The following ANKRD52 variants were observed in gnomAD, a reference collection of about 807,000 sequenced individuals.
ANKRD52 encodes the protein ankyrin repeat domain 52.
In ANKRD52, 7 loss-of-function variants were observed where a neutral mutation model predicts 116.0. The ratio of observed to expected loss-of-function variants is 0.06; its 90% CI spans 0.03 to 0.11. The LOEUF (loss-of-function observed/expected upper bound fraction) is 0.11. ANKRD52 is among the 10% of genes least tolerant of loss of function. The pLI is 1.00. For missense variants in ANKRD52, 839 were observed against 1,408.6 expected (o/e 0.60, Z 6.47); for synonymous variants, 528 against 578.1 (o/e 0.91, Z 1.24).
Position 56,244,186 on chromosome 12 carries a change from T to C in ANKRD52, c.2806-53A>G. The C allele has an allele frequency of 6.3e-7, 1 of 1,597,574 alleles. No homozygotes were observed. Among genetic ancestry groups the C allele is most frequent in the South Asian group, 1.1e-5 (1 of 90,714 alleles). ...CTTGTGAAGTAGAAATGTGGCAGGG[T>C]GCAGGGCAGGAGTTGGGGAGAGTAA... On this transcript the variant is annotated intron_variant, in intron 25 of 27. Coordinates refer to ENST00000267116, the MANE Select transcript of ANKRD52 (RefSeq NM_173595.4). The surrounding 1 kb of genome is among the most constrained non-coding windows in gnomAD (Gnocchi z 4.9).
rs563600401 is a variant in ANKRD52, at chr12:56,255,663, G to A, written c.462+121C>T. 1.0e-5 allele frequency: 9 copies of A among 880,826 alleles called. No individual in the cohort carries two copies. The highest frequency in any genetic ancestry group is 1.0e-4 in the African/African-American group (6 of 59,534). The allele number at this position is 880,826 out of a possible 1,614,324, so 54.6% of individuals were successfully genotyped here. ...ATTCATTTAGTGCTTCAGCTTAAGT[G>A]TTTATATAACCATCCGGGCTGCTTC... On this transcript the variant is annotated intron_variant, in intron 5 of 27. Transcript: ENST00000267116. This position sits in a 1 kb window ranked among gnomAD's most constrained non-coding sequence, Gnocchi z 4.3.
chr12:56,247,987 G>C, intron 18 of ANKRD52, 36 bp downstream of exon 18: 1 of 1,551,322 alleles, frequency 6.4e-7, no homozygotes, highest in Non-Finnish European at 8.7e-7. Flanking sequence ...ATCTGGCATG[G>C]CAAGGGTAGG....
rs756819569 is a variant in ANKRD52, at chr12:56,254,607, C to T, written c.664G>A (p.Val222Met). 2.5e-6 allele frequency: 4 copies of T among 1,614,006 alleles called. No homozygotes were observed. Among genetic ancestry groups the T allele is most frequent in the East Asian group, 2.2e-5 (1 of 44,884 alleles). The stretch of plus-strand genomic sequence containing the variant: ...GCTCCCATCCGAAGCAGGTACTTCA[C>T]CACTTCAATCTGGCCACTGGCAGCA... ...TAAASGQIEV[V>M]KYLLRMGAEI... is the part of the protein sequence containing the mutation. Residue 222 changes from valine to methionine, a missense_variant, in exon 7 of 28, where the codon GTG becomes ATG. Physicochemically the swap from Val to Met is conservative, Grantham distance 21 (BLOSUM62 1). Around this residue, in one of 2 missense-constraint regions of ANKRD52, gnomAD observed 287 missense variants for 598.1 expected, o/e 0.48. Transcript: ENST00000267116. This position sits in a 1 kb window ranked among gnomAD's most constrained non-coding sequence, Gnocchi z 4.6.
Position 56,242,389 on chromosome 12 carries a change from C to T in ANKRD52, c.*753G>A, listed in dbSNP as rs1871203214. ...AAAAGAAAGAAGCAAGGTTAAAGTGCGTGGTTAGGGGCCAGGCTAGGAGTG... is the reference window on the plus strand; with the variant it reads ...AAAAGAAAGAAGCAAGGTTAAAGTGTGTGGTTAGGGGCCAGGCTAGGAGTG... On this transcript the variant is annotated 3_prime_UTR_variant, in exon 28 of 28. Transcript: ENST00000267116. This position sits in a 1 kb window ranked among gnomAD's most constrained non-coding sequence, Gnocchi z 4.3. 5.7e-6 allele frequency: 2 copies of T among 352,188 alleles called. No individual in the cohort carries two copies. Among genetic ancestry groups the T allele is most frequent in the Non-Finnish European group, 1.0e-5 (2 of 197,882 alleles). 21.8% of individuals were successfully genotyped at this position (352,188 alleles called of 1,614,324 possible). A position where few individuals can be genotyped will look rare whatever the true frequency, so the allele number is the denominator to read the frequency against.
chr12:56,247,989 A>C, intron 18 of ANKRD52, 34 bp downstream of exon 18: 2 of 1,555,768 alleles, frequency 1.3e-6, no homozygotes, highest in Non-Finnish European at 1.7e-6. Context: ...CTGGCATGGC[A>C]AGGGTAGGGC....
rs1196502056 is a variant in ANKRD52 at position 56,248,210 on chromosome 12, G to T, written c.1791C>A (p.His597Gln). 1 of 1,613,782 alleles carries T rather than the reference G, an allele frequency of 6.2e-7. No individual in the cohort carries two copies. Among genetic ancestry groups the T allele is most frequent in the East Asian group, 2.2e-5 (1 of 44,882 alleles). The part of the protein sequence containing the change: ...SPLHLAAYNG[H>Q]CEALKTLAET... ...CCGCCAGCGTCTTCAAGGCTTCACA[G>T]TGACCGTTGTAGGCCTGGCAAGGTG... Residue 597 changes from histidine (H) to glutamine (Q), a missense_variant, in exon 18 of 28, where the codon CAC becomes CAA. By Grantham distance (24) the His-to-Gln change is conservative. This residue lies in a region of ANKRD52 where 552 missense variants were observed against 810.6 expected (regional missense o/e 0.68). Coordinates refer to ENST00000267116, the MANE Select transcript of ANKRD52 (RefSeq NM_173595.4). The surrounding 1 kb of genome is among the most constrained non-coding windows in gnomAD (Gnocchi z 5.1).
chr12:56,255,076 A>C lies in ANKRD52; in HGVS notation c.463-124T>G. On this transcript the variant is annotated intron_variant, in intron 5 of 27. Coordinates refer to ENST00000267116, the MANE Select transcript of ANKRD52 (RefSeq NM_173595.4). This position sits in a 1 kb window ranked among gnomAD's most constrained non-coding sequence, Gnocchi z 4.3. ...TAATGCCTTTTTCCATGAGCAAAAC[A>C]ACCTGGAGGACTCGAGGGAACAGCA... 1 of 863,516 alleles carries C rather than the reference A, an allele frequency of 1.2e-6. No homozygotes were observed. Among genetic ancestry groups the C allele is most frequent in the Non-Finnish European group, 1.8e-6 (1 of 548,354 alleles). The allele number at this position is 863,516 out of a possible 1,614,324, so 53.5% of individuals were successfully genotyped here.
intron 15 of ANKRD52, among the ~76,000 whole-genome samples, chr12:56,251,792 T>A (rs1441915907): frequency 1.4e-5 from 2 of 147,484 alleles, no homozygotes; most frequent in African/African-American, 5.0e-5. Context: ...CTATGTCTCA[T>A]ACTTTTGGGT....
At chr12:56,257,153 G>T in intron 3 of ANKRD52, 68 bp from the exon 4 acceptor site, 2 of 1,572,456 alleles carry the variant, frequency 1.3e-6, no homozygotes, top group South Asian at 1.2e-5. Context: ...CAGTAATCAG[G>T]CCAGGAAATC....
intron 20 of ANKRD52, 86 bp downstream of exon 20, chr12:56,247,407 G>T: frequency 5.6e-6 from 6 of 1,066,572 alleles, no homozygotes; most frequent in Non-Finnish European, 8.1e-6. Context: ...TTGCCTCCTA[G>T]ACAATTGGAT....
chr12:56,251,956 G>A (rs375692739), intron 15 of ANKRD52, 59 bp downstream of exon 15: 23 of 1,560,646 alleles, frequency 1.5e-5, no homozygotes, highest in Non-Finnish European at 2.0e-5. Flanking sequence ...GAGGACAGTA[G>A]GGCCAGAGCT....
rs1231406243 is a variant in ANKRD52, at chr12:56,254,514, G to A, written c.693+64C>T. 8.8e-6 allele frequency: 14 copies of A among 1,587,104 alleles called. No individual in the cohort carries two copies. Among genetic ancestry groups the A allele is most frequent in the East Asian group, 4.5e-5 (2 of 44,492 alleles). On this transcript the variant is annotated intron_variant, in intron 7 of 27. Transcript: ENST00000267116. The surrounding 1 kb of genome is among the most constrained non-coding windows in gnomAD (Gnocchi z 4.6). ...CAACATCCCAATACCTCATATCTCC[G>A]TAACAGACTATAATCTCCTACTTGC...
rs1006024560 is a variant in ANKRD52 at position 56,237,925 on chromosome 12, G to T, written c.*5217C>A. The T allele has an allele frequency of 4.0e-5, 26 of 652,972 alleles. No individual in the cohort carries two copies. The highest frequency in any genetic ancestry group is 1.4e-4 in the Admixed American group (4 of 27,904). 40.4% of individuals were successfully genotyped at this position (652,972 alleles called of 1,614,324 possible). ...TGGTGGGAGGACCCGAAGCCGGTTG[G>T]GGGAGGATGTGAGTAGGGGCCTGGA... On this transcript the variant is annotated 3_prime_UTR_variant, in exon 28 of 28. Coordinates refer to ENST00000267116, the MANE Select transcript of ANKRD52 (RefSeq NM_173595.4).
Position 56,252,815 on chromosome 12 carries a change from A to G in ANKRD52, c.1266T>C (p.Leu422=). 1 of 1,613,924 alleles carries G rather than the reference A, an allele frequency of 6.2e-7. No homozygotes were observed. Among genetic ancestry groups the G allele is most frequent in the Non-Finnish European group, 8.5e-7 (1 of 1,179,888 alleles). Residue 422 remains leucine (L), a synonymous_variant, in exon 12 of 28, where the codon CTT becomes CTC. Coordinates refer to ENST00000267116, the MANE Select transcript of ANKRD52 (RefSeq NM_173595.4). The surrounding 1 kb of genome is among the most constrained non-coding windows in gnomAD (Gnocchi z 4.7). ...AGFDINTPDN[L]GRTCLHAAAS... ...CAGCAGCATGAAGACAGGTACGGCCAAGGTTGTCAGGTGTATTGATGTCAA... is the reference window on the plus strand; with the variant it reads ...CAGCAGCATGAAGACAGGTACGGCCGAGGTTGTCAGGTGTATTGATGTCAA...
intron 2 of ANKRD52, 33 bp from the exon 3 acceptor site, chr12:56,257,394 C>T (rs761016564): frequency 1.3e-6 from 2 of 1,545,340 alleles, no homozygotes; most frequent in Non-Finnish European, 8.8e-7. Context: ...GGAGTATGGG[C>T]GCGGGGTAAG....
chr12:56,244,741 A>G lies in ANKRD52; in HGVS notation c.2633T>C (p.Leu878Pro), dbSNP rs1871316798. ...ADNVSGLRML[L>P]QHQAEVNATD... Reference sequence around the variant, plus strand: ...GGCGTTCACCTCAGCTTGATGCTGCAGCAGCATCCGGAGCCCAGAGACATT... The same window carrying G: ...GGCGTTCACCTCAGCTTGATGCTGCGGCAGCATCCGGAGCCCAGAGACATT... Residue 878 changes from leucine (L) to proline (P), a missense_variant, in exon 24 of 28, where the codon CTG becomes CCG. Physicochemically the swap from Leu to Pro is moderately conservative, Grantham distance 98 (BLOSUM62 -3). Transcript: ENST00000267116. This position sits in a 1 kb window ranked among gnomAD's most constrained non-coding sequence, Gnocchi z 4.9. The G allele has an allele frequency of 6.2e-7, 1 of 1,613,738 alleles. No individual in the cohort carries two copies. Among genetic ancestry groups the G allele is most frequent in the Admixed American group, 1.7e-5 (1 of 59,996 alleles).
chr12:56,248,206 C>T lies in ANKRD52; in HGVS notation c.1795G>A (p.Glu599Lys). The change falls in exon 18 of 28, where the codon GAA becomes AAA. Residue 599 changes from glutamate to lysine, a missense_variant. Physicochemically the swap from Glu to Lys is moderately conservative, Grantham distance 56 (BLOSUM62 1). Around this residue, in one of 2 missense-constraint regions of ANKRD52, gnomAD observed 552 missense variants for 810.6 expected, o/e 0.68. Transcript: ENST00000267116. The surrounding 1 kb of genome is among the most constrained non-coding windows in gnomAD (Gnocchi z 5.1). ...LHLAAYNGHC[E>K]ALKTLAETLV... ...GTCTCCGCCAGCGTCTTCAAGGCTT[C>T]ACAGTGACCGTTGTAGGCCTGGCAA... 1 of 1,613,850 alleles carries T rather than the reference C, an allele frequency of 6.2e-7. No individual in the cohort carries two copies. The highest frequency in any genetic ancestry group is 8.5e-7 in the Non-Finnish European group (1 of 1,179,908).
chr12:56,248,681 G>A lies in ANKRD52; in HGVS notation c.1704+78C>T, dbSNP rs1871539522. 6.7e-7 allele frequency: 1 copy of A among 1,489,306 alleles called. No homozygotes were observed. Among genetic ancestry groups the A allele is most frequent in the East Asian group, 2.4e-5 (1 of 41,532 alleles). 92.3% of individuals were successfully genotyped at this position (1,489,306 alleles called of 1,614,324 possible). A position where few individuals can be genotyped will look rare whatever the true frequency, so the allele number is the denominator to read the frequency against. On this transcript the variant is annotated intron_variant, in intron 16 of 27. Transcript: ENST00000267116. The surrounding 1 kb of genome is among the most constrained non-coding windows in gnomAD (Gnocchi z 5.1). ...CTGGATCCAAAGACCACATTTGATTGAACCCTTAGTTTTGGAATCCACAAA... is the reference window on the plus strand; with the variant it reads ...CTGGATCCAAAGACCACATTTGATTAAACCCTTAGTTTTGGAATCCACAAA...
At chr12:56,249,001 A>C in intron 15 of ANKRD52, 131 bp from the exon 16 acceptor site, 1 of 597,818 alleles carries the variant, frequency 1.7e-6, no homozygotes. Flanking sequence ...AGCTCTAGGT[A>C]GGTTCTCTAA....
Sources: allele counts gnomAD v4.1 joint callset (sites outside exome capture counted in the v4.1 genomes callset), GRCh38; gene constraint gnomAD v4.1.1; regional missense constraint gnomAD v4.1.1; non-coding constraint Gnocchi (gnomAD v3.1); transcripts MANE v1.5; gene names NCBI Gene and HGNC (gene_info 2026-07-23, HGNC 2026-07-21).